FBXL17: variants seen among roughly 807,000 people sequenced by gnomAD.
The protein encoded by FBXL17 is F-box/LRR-repeat protein 17.
FBXL17 carries 22 observed loss-of-function variants against 66.2 expected under a neutral mutation model. The observed-to-expected ratio is 0.33, with a 90% confidence interval of 0.24 to 0.47. The LOEUF (loss-of-function observed/expected upper bound fraction) is 0.47. FBXL17 is among the 20% of genes least tolerant of loss of function. The pLI is 1.00. For missense variants in FBXL17, 878 were observed against 948.2 expected (o/e 0.93, Z 0.97); for synonymous variants, 474 against 400.5 (o/e 1.18, Z -2.19).
chr5:108,187,613 C>CA (rs1368005286), intron 5 of FBXL17, among the ~76,000 whole-genome samples: 4 of 152,202 alleles, frequency 2.6e-5, no homozygotes, highest in Non-Finnish European at 1.5e-5. Context: ...AGTCAAGGAA[C>CA]ATGGGCAGCT....
intron 8 of FBXL17, chr5:107,880,406 C>G: frequency 1.0e-6 from 1 of 986,986 alleles, no homozygotes; most frequent in South Asian, 4.7e-5. Flanking sequence ...CAAAGGGTCC[C>G]ACGTTAAATG....
chr5:108,270,891 C>CT (rs1467652543), intron 4 of FBXL17, among the ~76,000 whole-genome samples: 1 of 152,002 alleles, frequency 6.6e-6, no homozygotes, highest in East Asian at 1.9e-4. Flanking sequence ...CACATAAAGA[C>CT]TAACAGACTG....
At chr5:107,928,335 G>T (rs760643399) in intron 7 of FBXL17, among the ~76,000 whole-genome samples, 2 of 151,860 alleles carry the variant, frequency 1.3e-5, no homozygotes, top group Non-Finnish European at 2.9e-5. Flanking sequence ...CATTAGTTGA[G>T]AAACATTTAT....
chr5:108,092,500 G>C (rs966821652), intron 6 of FBXL17, among the ~76,000 whole-genome samples: 1 of 152,106 alleles, frequency 6.6e-6, no homozygotes, highest in African/African-American at 2.4e-5. Flanking sequence ...AGTTTTAGTA[G>C]ATATGGGGTT....
chr5:108,349,901 A>G (rs1747533960), intron 3 of FBXL17, among the ~76,000 whole-genome samples: 1 of 152,210 alleles, frequency 6.6e-6, no homozygotes, highest in South Asian at 2.1e-4. Flanking sequence ...GCCTTTCCTT[A>G]CCATATGAAA....
At chr5:108,109,736 T>C (rs967742568) in intron 6 of FBXL17, among the ~76,000 whole-genome samples, 1 of 152,124 alleles carries the variant, frequency 6.6e-6, no homozygotes, top group African/African-American at 2.4e-5. Flanking sequence ...TACTGTACTA[T>C]GGGAATATTT....
intron 6 of FBXL17, among the ~76,000 whole-genome samples, chr5:108,157,501 A>C (rs1752040624): frequency 6.6e-6 from 1 of 151,772 alleles, no homozygotes; most frequent in Non-Finnish European, 1.5e-5. Context: ...ATTTCAAAAG[A>C]TCATGTTTGC....
intron 8 of FBXL17, among the ~76,000 whole-genome samples, chr5:107,867,077 A>G (rs1295045614): frequency 1.3e-5 from 2 of 152,192 alleles, no homozygotes; most frequent in Non-Finnish European, 2.9e-5. Flanking sequence ...TGTACCAGAA[A>G]TTGTAGAGAT....
At chr5:108,238,413 T>C (rs535806078) in intron 4 of FBXL17, among the ~76,000 whole-genome samples, 1 of 152,332 alleles carries the variant, frequency 6.6e-6, no homozygotes, top group East Asian at 1.9e-4. Flanking sequence ...GAGCTTACAA[T>C]TTAGTAAGAA....
chr5:108,216,552 T>C (rs1379588918), intron 5 of FBXL17, among the ~76,000 whole-genome samples: 1 of 152,166 alleles, frequency 6.6e-6, no homozygotes, highest in Non-Finnish European at 1.5e-5. Context: ...CTGACAAAAT[T>C]TGTATATATT....
At chr5:108,380,662 G>GCCC in intron 1 of FBXL17, 37 bp downstream of exon 1, 1 of 873,778 alleles carries the variant, frequency 1.1e-6, no homozygotes, top group Non-Finnish European at 1.5e-6. Flanking sequence ...GGGGGTGGGG[G>GCCC]AAAGCGAGCA....
At position 108,381,218 on chromosome 5, in the gene FBXL17, A is replaced by C. The variant is rs1010432827; in HGVS notation, c.474T>G (p.Ser158Arg). The C allele has an allele frequency of 2.8e-6, 4 of 1,447,500 alleles. No individual in the cohort carries two copies. Among genetic ancestry groups the C allele is most frequent in the South Asian group, 1.3e-5 (1 of 74,682 alleles). 89.7% of individuals were successfully genotyped at this position (1,447,500 alleles called of 1,614,324 possible). ...CCGGCCCCAAGCTGGCCAGGAAGAG[A>C]CTTCGGCCCTGCTGCTCCCAGGCGG... ...AAAAWEQQGR[S>R]LFLASLGPVR... Residue 158 changes from serine (S) to arginine (R), a missense_variant, in exon 1 of 9, where the codon AGT becomes AGG. This residue lies in a region of FBXL17 where 605 missense variants were observed against 509.5 expected (regional missense o/e 1.19). Transcript: ENST00000542267.
chr5:108,139,749 C>T (rs980034754), intron 6 of FBXL17, among the ~76,000 whole-genome samples: 32 of 152,274 alleles, frequency 2.1e-4, no homozygotes, highest in African/African-American at 7.7e-4. Context: ...TGTTTAATCA[C>T]CATCCATCTT....
chr5:108,303,738 A>C (rs1360553015), intron 4 of FBXL17, among the ~76,000 whole-genome samples: 1 of 151,916 alleles, frequency 6.6e-6, no homozygotes, highest in Non-Finnish European at 1.5e-5. Context: ...TTTAATACTA[A>C]CACATTATTT....
intron 5 of FBXL17, among the ~76,000 whole-genome samples, chr5:108,195,742 G>A (rs1753654261): frequency 6.6e-6 from 1 of 152,166 alleles, no homozygotes; most frequent in South Asian, 2.1e-4. Flanking sequence ...TGTGACAGCA[G>A]TTGGAGGTGG....
At position 108,103,120 on chromosome 5, in the gene FBXL17, T is replaced by G. The variant is rs1423006331; in HGVS notation, c.1746-82119A>C. 2.6e-5 allele frequency among the ~76,000 whole-genome samples: 4 copies of G among 152,238 alleles called. No individual in the cohort carries two copies. The East Asian group carries it at 7.7e-4, about 29-fold the overall frequency. On this transcript the variant is annotated intron_variant, in intron 6 of 8. Transcript: ENST00000542267. ...TTCCATTTTTCTGTCTCTAAAGGTT[T>G]TATTTTATGTGAGCCAGTTAATCTG...
At chr5:108,025,052 T>C (rs764582664) in intron 6 of FBXL17, among the ~76,000 whole-genome samples, 3 of 152,214 alleles carry the variant, frequency 2.0e-5, no homozygotes, top group Admixed American at 6.5e-5. Context: ...CAAATTTTTA[T>C]GTTTTTTTGT....
chr5:108,059,661 T>C (rs1246626054), intron 6 of FBXL17, among the ~76,000 whole-genome samples: 1 of 152,198 alleles, frequency 6.6e-6, no homozygotes, highest in Admixed American at 6.5e-5. Flanking sequence ...ACCATCATCG[T>C]CAGAAGACAA....
intron 6 of FBXL17, among the ~76,000 whole-genome samples, chr5:108,029,171 T>C (rs1271146312): frequency 1.3e-5 from 2 of 152,064 alleles, no homozygotes; most frequent in African/African-American, 2.4e-5. Flanking sequence ...TATACAAAAC[T>C]AATTAATCCT....
Sources: allele counts gnomAD v4.1 joint callset (sites outside exome capture counted in the v4.1 genomes callset), GRCh38; gene constraint gnomAD v4.1.1; regional missense constraint gnomAD v4.1.1; transcripts MANE v1.5; gene names NCBI Gene and HGNC (gene_info 2026-07-23, HGNC 2026-07-21).